Variants in DLGAP2 observed in about 807,000 individuals in gnomAD.
The protein encoded by DLGAP2 is DLG associated protein 2.
In DLGAP2, 26 loss-of-function variants were observed where a neutral mutation model predicts 100.3. That is an observed-to-expected ratio of 0.26 (90% confidence interval 0.19 to 0.36). The LOEUF (loss-of-function observed/expected upper bound fraction) is 0.36. DLGAP2 is among the 10% of genes least tolerant of loss of function. The pLI is 1.00. For missense variants in DLGAP2, 1,858 were observed against 1,453.2 expected, an observed-to-expected ratio of 1.28 and a Z score of -4.53; for synonymous variants, 886 against 630.1, an observed-to-expected ratio of 1.41 and a Z score of -6.08.
intron 4 of DLGAP2, among the ~76,000 whole-genome samples, chr8:1,508,021 G>C (rs1034731336): frequency 2.6e-5 from 4 of 151,960 alleles, no homozygotes; most frequent in Admixed American, 6.5e-5. Flanking sequence ...AGGTGCAGGG[G>C]AGGGTCATTG....
At chr8:1,682,811 T>C (rs544057799) in intron 12 of DLGAP2, among the ~76,000 whole-genome samples, 10 of 151,804 alleles carry the variant, frequency 6.6e-5, no homozygotes, top group African/African-American at 2.2e-4. Context: ...ACCTTATTAT[T>C]AGGCATCTGA....
intron 1 of DLGAP2, among the ~76,000 whole-genome samples, chr8:785,441 C>G (rs911489227): frequency 6.6e-6 from 1 of 150,468 alleles, no homozygotes; most frequent in Non-Finnish European, 1.5e-5. Flanking sequence ...CTCTCCTCCC[C>G]TCAGGTCTCT....
intron 2 of DLGAP2, among the ~76,000 whole-genome samples, chr8:1,142,766 G>A (rs531746824): frequency 1.3e-5 from 2 of 152,226 alleles, no homozygotes; most frequent in South Asian, 4.1e-4. Context: ...GGGAGGGTGA[G>A]GGGAGGGAGG....
intron 3 of DLGAP2, chr8:1,300,661 C>G (rs1226970076): frequency 1.3e-5 from 2 of 152,266 alleles, no homozygotes; most frequent in African/African-American, 4.8e-5. Flanking sequence ...TCCTTGACAT[C>G]TAAGCTGCAG....
At chr8:1,528,415 G>A (rs773725105) in intron 4 of DLGAP2, among the ~76,000 whole-genome samples, 8 of 152,228 alleles carry the variant, frequency 5.3e-5, no homozygotes, top group East Asian at 3.8e-4. Flanking sequence ...AACAGAAGAC[G>A]TCATAAACTC....
intron 2 of DLGAP2, among the ~76,000 whole-genome samples, chr8:1,102,991 G>C (rs1394322550): frequency 6.6e-6 from 1 of 151,294 alleles, no homozygotes; most frequent in African/African-American, 2.4e-5. Context: ...TGGGGTCTTC[G>C]TGAGTCTGTG....
At chr8:1,340,903 T>TA (rs933708631) in intron 3 of DLGAP2, among the ~76,000 whole-genome samples, 1 of 152,120 alleles carries the variant, frequency 6.6e-6, no homozygotes, top group Non-Finnish European at 1.5e-5. Context: ...TATGCAGACA[T>TA]AAAAAAGAAT....
At chr8:1,060,274 A>C (rs1476619113) in intron 2 of DLGAP2, among the ~76,000 whole-genome samples, 1 of 145,220 alleles carries the variant, frequency 6.9e-6, no homozygotes, top group Non-Finnish European at 1.5e-5. Context: ...CAAGGTGGTG[A>C]GTGCTTGTGG....
intron 2 of DLGAP2, among the ~76,000 whole-genome samples, chr8:949,074 C>T (rs954053471): frequency 3.3e-5 from 5 of 152,164 alleles, no homozygotes; most frequent in East Asian, 1.9e-4. Context: ...GCGTGACTGC[C>T]GCCGTCTTGA....
chr8:1,410,837 T>G (rs1179151559), intron 3 of DLGAP2, among the ~76,000 whole-genome samples: 8 of 152,072 alleles, frequency 5.3e-5, no homozygotes, highest in African/African-American at 1.9e-4. Flanking sequence ...GAGCCATTTT[T>G]TTTTTTTTTT....
rs79494752 is a variant in DLGAP2 at position 1,185,890 on chromosome 8, C to T, written c.74-72961C>T. 5.4e-3 allele frequency among the ~76,000 whole-genome samples: 815 copies of T among 152,264 alleles called. 11 individuals are homozygous for T. Among genetic ancestry groups the T allele is most frequent in the African/African-American group, 0.019 (784 of 41,548 alleles). ...CCAACTTGCCCCACAGAGAACACTC[C>T]GGAACTGAGAAGCAGGTTCCCTTCT... is the stretch of plus-strand genomic sequence containing the variant. On this transcript the variant is annotated intron_variant, in intron 2 of 14. Coordinates refer to ENST00000637795, the MANE Select transcript of DLGAP2 (RefSeq NM_001346810.2).
intron 3 of DLGAP2, among the ~76,000 whole-genome samples, chr8:1,287,209 G>A (rs1256316479): frequency 1.0e-4 from 1 of 9,656 alleles, no homozygotes; most frequent in Admixed American, 1.3e-3. Flanking sequence ...GGTTCAGTGT[G>A]TGTGTGTGTG....
intron 3 of DLGAP2, among the ~76,000 whole-genome samples, chr8:1,289,432 C>A (rs1800011050): frequency 1.3e-5 from 2 of 152,280 alleles, no homozygotes; most frequent in African/African-American, 4.8e-5. Context: ...CATGCCCTGT[C>A]TATTTTGCGG....
At chr8:1,573,945 C>T (rs989333397) in intron 6 of DLGAP2, among the ~76,000 whole-genome samples, 5 of 152,142 alleles carry the variant, frequency 3.3e-5, no homozygotes, top group African/African-American at 9.7e-5. Context: ...AGGTAACTTA[C>T]AAGTGTAAAG....
At chr8:1,281,585 AG>A (rs1300536769) in intron 3 of DLGAP2, among the ~76,000 whole-genome samples, 1 of 152,174 alleles carries the variant, frequency 6.6e-6, no homozygotes, top group African/African-American at 2.4e-5. Context: ...AGGGTTGACC[AG>A]TTTTGAGCCC....
At chr8:1,494,278 T>C (rs1457189640) in intron 3 of DLGAP2, among the ~76,000 whole-genome samples, 1 of 152,274 alleles carries the variant, frequency 6.6e-6, no homozygotes, top group Non-Finnish European at 1.5e-5. Context: ...GCTTAACTGC[T>C]TCCTTTTGCT....
At chr8:1,003,777 C>G (rs1014398117) in intron 2 of DLGAP2, among the ~76,000 whole-genome samples, 1 of 152,190 alleles carries the variant, frequency 6.6e-6, no homozygotes, top group African/African-American at 2.4e-5. Flanking sequence ...TGTCCAGCAC[C>G]TTGGTCCCCC....
intron 3 of DLGAP2, among the ~76,000 whole-genome samples, chr8:1,288,269 A>G (rs1464048730): frequency 8.6e-6 from 1 of 116,646 alleles, no homozygotes; most frequent in Non-Finnish European, 1.7e-5. Context: ...GGTTGTTAGG[A>G]GGGGAACTTG....
chr8:811,600 C>T (rs1322134179), intron 1 of DLGAP2, among the ~76,000 whole-genome samples: 2 of 148,436 alleles, frequency 1.3e-5, no homozygotes, highest in Non-Finnish European at 3.0e-5. Context: ...TGGTGAGAGG[C>T]CACCAGCTTT....
Sources: allele counts gnomAD v4.1 joint callset (sites outside exome capture counted in the v4.1 genomes callset), GRCh38; gene constraint gnomAD v4.1.1; transcripts MANE v1.5; gene names NCBI Gene and HGNC (gene_info 2026-07-23, HGNC 2026-07-21).